The following HLCS variants were observed in gnomAD, a reference collection of about 807,000 sequenced individuals.
HLCS encodes holocarboxylase synthetase, also known as biotin--protein ligase.
In HLCS, 53 loss-of-function variants were observed where a neutral mutation model predicts 75.0. The observed-to-expected ratio is 0.71, with a 90% confidence interval of 0.57 to 0.89. The LOEUF is 0.89. HLCS is among the 40% of genes least tolerant of loss of function. The pLI is 0.00. For synonymous variants in HLCS, 431 were observed against 428.6 expected, an observed-to-expected ratio of 1.01 and a Z score of -0.07; for missense variants, 966 against 1,074.0, an observed-to-expected ratio of 0.90 and a Z score of 1.41.
At chr21:36,947,647 G>A in intron 2 of HLCS, 1 of 985,458 alleles carries the variant, frequency 1.0e-6, no homozygotes, top group Non-Finnish European at 1.2e-6. Context: ...AATCTGTTAA[G>A]TAACTAAAGC....
intron 6 of HLCS, among the ~76,000 whole-genome samples, chr21:36,789,183 TA>T (rs2060786055): frequency 6.6e-6 from 1 of 152,204 alleles, no homozygotes. Flanking sequence ...GCCTCCCAAG[TA>T]ACTGGGACCA....
In HLCS at chr21:36,809,888, A is replaced by G. The variant is rs369724535; in HGVS notation, c.1893-42603T>C. Among the ~76,000 whole-genome samples the G allele has an allele frequency of 1.2e-3, 184 of 152,300 alleles. 4 individuals are homozygous for G. The South Asian group carries it at 0.033, about 27-fold the overall frequency. ...CCAGTAGCTGGGACTACAAGGGCAC[A>G]CTACCATGCCCAGCTAATTTTTGTA... On this transcript the variant is annotated intron_variant, in intron 6 of 10. Transcript: ENST00000674895.
chr21:36,942,855 C>T lies in HLCS; in HGVS notation c.331-3861G>A, dbSNP rs572364701. 4.8e-3 allele frequency among the ~76,000 whole-genome samples: 729 copies of T among 151,462 alleles called. 5 individuals are homozygous for T. Among genetic ancestry groups the T allele is most frequent in the African/African-American group, 0.016 (666 of 41,318 alleles). On this transcript the variant is annotated intron_variant, in intron 2 of 10. Coordinates refer to ENST00000674895, the MANE Select transcript of HLCS (RefSeq NM_001352514.2). ...TGAGGCAGGAGAATGGCGTGAACCC[C>T]GGAGGCAGAGCTTGCAGTGAGCCAA...
Position 36,843,403 on chromosome 21 carries a change from A to ACTC in HLCS, c.1892+53454_1892+53456dup, listed in dbSNP as rs375992573. ...CAGTGAGCCATGATCGTGCCACAGC[A>ACTC]CTCTAGCCTGGGCGACAGAGAGAGA... On this transcript the variant is annotated intron_variant, in intron 6 of 10. Coordinates refer to ENST00000674895, the MANE Select transcript of HLCS (RefSeq NM_001352514.2). Among the ~76,000 whole-genome samples the ACTC allele has an allele frequency of 1.4e-3, 213 of 152,268 alleles. 2 individuals carry two copies. The highest frequency in any genetic ancestry group is 5.0e-3 in the African/African-American group (206 of 41,550).
chr21:36,899,430 C>T (rs936120062), intron 5 of HLCS, among the ~76,000 whole-genome samples: 3 of 152,004 alleles, frequency 2.0e-5, no homozygotes, highest in African/African-American at 7.3e-5. Context: ...TCAAGACTAA[C>T]CTGGGCAACA....
chr21:36,874,839 C>T (rs1302432048), intron 6 of HLCS, among the ~76,000 whole-genome samples: 1 of 152,072 alleles, frequency 6.6e-6, no homozygotes, highest in Non-Finnish European at 1.5e-5. Flanking sequence ...CCAGCCACGG[C>T]TCTGGACCCA....
intron 1 of HLCS, among the ~76,000 whole-genome samples, chr21:36,986,431 G>A (rs942118817): frequency 2.6e-5 from 4 of 152,216 alleles, no homozygotes; most frequent in Middle Eastern, 6.8e-3. Flanking sequence ...TTTGTTTTTT[G>A]GTTTTTGAGA....
intron 7 of HLCS, among the ~76,000 whole-genome samples, chr21:36,766,037 T>C (rs2090018390): frequency 6.6e-6 from 1 of 152,208 alleles, no homozygotes; most frequent in Non-Finnish European, 1.5e-5. Flanking sequence ...TTACTTCCTT[T>C]CTTTCTTCCT....
intron 6 of HLCS, among the ~76,000 whole-genome samples, chr21:36,833,161 C>T (rs2062272873): frequency 6.6e-6 from 1 of 151,896 alleles, no homozygotes; most frequent in South Asian, 2.1e-4. Flanking sequence ...GCTGGGACTA[C>T]AGGCACATGC....
chr21:36,978,369 A>G (rs1178970312), intron 1 of HLCS, among the ~76,000 whole-genome samples: 1 of 142,544 alleles, frequency 7.0e-6, no homozygotes, highest in Non-Finnish European at 1.5e-5. Context: ...TGGTGGTGCA[A>G]CGTAGTCCCA....
intron 5 of HLCS, among the ~76,000 whole-genome samples, chr21:36,927,222 C>T (rs2066447489): frequency 6.6e-6 from 1 of 152,242 alleles, no homozygotes; most frequent in African/African-American, 2.4e-5. Context: ...CAGCCTGCAT[C>T]TCAGCCAAGC....
At chr21:36,819,701 G>A (rs769545297) in intron 6 of HLCS, among the ~76,000 whole-genome samples, 45 of 152,214 alleles carry the variant, frequency 3.0e-4, no homozygotes, top group Non-Finnish European at 5.7e-4. Context: ...GGCTCAGAGA[G>A]GGCGAGTCAG....
In HLCS at chr21:36,878,684, C is replaced by T. The variant is rs191683809; in HGVS notation, c.1892+18176G>A. ...GGACTCCCGTTATAGCTTTACCACT[C>T]ATCTCATTGAAAAAATAAAAAATTA... is the stretch of plus-strand genomic sequence containing the variant. On this transcript the variant is annotated intron_variant, in intron 6 of 10. Transcript: ENST00000674895. Among the ~76,000 whole-genome samples the T allele has an allele frequency of 1.4e-4, 22 of 152,276 alleles. No homozygotes were observed. In the Middle Eastern group the frequency reaches 0.01, roughly 71 times the overall value.
rs116129934 is a variant in HLCS, at chr21:36,816,544, G to A, written c.1893-49259C>T. Among the ~76,000 whole-genome samples the A allele has an allele frequency of 2.7e-3, 418 of 152,294 alleles. 4 individuals carry two copies. The highest frequency in any genetic ancestry group is 9.8e-3 in the African/African-American group (408 of 41,562). ...CTGTTTCTTTGCTACTTTGCATGAA[G>A]CTCTGAATTGCTCAGTGTTACCCTG... is the stretch of plus-strand genomic sequence containing the variant. On this transcript the variant is annotated intron_variant, in intron 6 of 10. Transcript: ENST00000674895.
intron 6 of HLCS, among the ~76,000 whole-genome samples, chr21:36,818,754 T>A (rs1271115099): frequency 2.0e-5 from 3 of 152,264 alleles, no homozygotes; most frequent in Non-Finnish European, 4.4e-5. Context: ...TCTCATTGTA[T>A]TTTGCTTGTA....
intron 6 of HLCS, among the ~76,000 whole-genome samples, chr21:36,845,290 G>A (rs996559814): frequency 2.6e-5 from 4 of 152,198 alleles, no homozygotes; most frequent in South Asian, 2.1e-4. Context: ...GAGGAATCCC[G>A]AATACTGGGC....
intron 6 of HLCS, among the ~76,000 whole-genome samples, chr21:36,772,979 C>CAA (rs35402890): frequency 0.031 from 3,158 of 103,380 alleles, 138 homozygotes; most frequent in African/African-American, 0.12. Flanking sequence ...GACTCCATCT[C>CAA]AAAAAAAAAA....
chr21:36,777,499 G>A (rs751710321), intron 6 of HLCS, among the ~76,000 whole-genome samples: 4 of 152,242 alleles, frequency 2.6e-5, no homozygotes, highest in Non-Finnish European at 5.9e-5. Flanking sequence ...CATTGTCCTA[G>A]TAATAATGCT....
chr21:36,792,245 G>A (rs542758056), intron 6 of HLCS, among the ~76,000 whole-genome samples: 4 of 152,166 alleles, frequency 2.6e-5, no homozygotes, highest in South Asian at 2.1e-4. Flanking sequence ...TCTGGGGACC[G>A]TCAGCCTTTT....
Sources: gnomAD v4.1 joint callset for allele counts (sites outside exome capture counted in the v4.1 genomes callset) on GRCh38, gnomAD v4.1.1 for gene constraint, MANE v1.5 for transcripts, NCBI Gene and HGNC (gene_info 2026-07-23, HGNC 2026-07-21) for gene names.